Variants in KCNIP4 observed in about 807,000 individuals in gnomAD.
KCNIP4 encodes the protein potassium voltage-gated channel interacting protein 4, also known as Kv channel-interacting protein 4.
KCNIP4 carries 12 observed loss-of-function variants against 34.0 expected under a neutral mutation model. The observed-to-expected ratio is 0.35, with a 90% CI of 0.23 to 0.57. The LOEUF is 0.57. KCNIP4 is among the 20% of genes least tolerant of loss of function. The probability of loss-of-function intolerance (pLI) is 0.83; values close to 1 mark genes in which losing one functional copy is unlikely to be tolerated. For missense variants in KCNIP4, 238 were observed against 311.7 expected (o/e 0.76, Z 1.78); for synonymous variants, 124 against 102.2 (o/e 1.21, Z -1.29).
intron 1 of KCNIP4, among the ~76,000 whole-genome samples, chr4:21,878,357 T>G (rs1439614997): frequency 6.6e-6 from 1 of 152,208 alleles, no homozygotes; most frequent in African/African-American, 2.4e-5. Flanking sequence ...ATTACAGGCA[T>G]GAGCCACAGT....
intron 1 of KCNIP4, among the ~76,000 whole-genome samples, chr4:21,474,844 A>T (rs543943974): frequency 1.3e-5 from 2 of 150,634 alleles, no homozygotes; most frequent in South Asian, 2.1e-4. Flanking sequence ...AAAATAATAA[A>T]AAAAAAATTA....
chr4:21,916,258 A>G (rs1202101234), intron 1 of KCNIP4, among the ~76,000 whole-genome samples: 1 of 152,242 alleles, frequency 6.6e-6, no homozygotes, highest in Non-Finnish European at 1.5e-5. Context: ...AATTTAGCCA[A>G]TAAAAATCTC....
At chr4:20,912,474 G>GT (rs1409048233) in intron 1 of KCNIP4, among the ~76,000 whole-genome samples, 2 of 151,928 alleles carry the variant, frequency 1.3e-5, no homozygotes, top group Non-Finnish European at 2.9e-5. Flanking sequence ...TAACAACTAG[G>GT]TTTTTTATAT....
chr4:21,219,679 A>G (rs776706281), intron 1 of KCNIP4, among the ~76,000 whole-genome samples: 13 of 152,208 alleles, frequency 8.5e-5, no homozygotes, highest in Non-Finnish European at 1.3e-4. Context: ...GAGGAGAGAT[A>G]GAAAAGCACC....
chr4:21,533,230 A>C (rs577232232), intron 1 of KCNIP4, among the ~76,000 whole-genome samples: 5 of 152,240 alleles, frequency 3.3e-5, no homozygotes, highest in South Asian at 2.1e-4. Flanking sequence ...TCTCTCACTT[A>C]AACTGTTAGA....
At chr4:21,501,248 T>TCACACACACACA (rs34406802) in intron 1 of KCNIP4, among the ~76,000 whole-genome samples, 95 of 104,292 alleles carry the variant, frequency 9.1e-4, no homozygotes, top group African/African-American at 2.9e-3. Flanking sequence ...TCTCTCTCTC[T>TCACACACACACA]CACACACACA....
chr4:20,881,846 C>T (rs1396670476), intron 2 of KCNIP4, among the ~76,000 whole-genome samples: 1 of 152,118 alleles, frequency 6.6e-6, no homozygotes, highest in East Asian at 1.9e-4. Context: ...GTGGGTGGGC[C>T]TCATCTAATC....
intron 1 of KCNIP4, among the ~76,000 whole-genome samples, chr4:21,054,949 T>C (rs1362626883): frequency 6.6e-6 from 1 of 152,096 alleles, no homozygotes; most frequent in Non-Finnish European, 1.5e-5. Flanking sequence ...CTTTTTGCTC[T>C]GCTAAAGGAA....
chr4:20,842,051 G>C (rs941322464), intron 3 of KCNIP4, among the ~76,000 whole-genome samples: 1 of 152,022 alleles, frequency 6.6e-6, no homozygotes, highest in Admixed American at 6.6e-5. Context: ...ACTGCCACTA[G>C]ATATTTTCTT....
intron 1 of KCNIP4, among the ~76,000 whole-genome samples, chr4:21,649,657 C>T (rs997206150): frequency 1.3e-5 from 2 of 152,100 alleles, no homozygotes; most frequent in African/African-American, 4.8e-5. Context: ...TTCCTTTTAT[C>T]CTCTTCACGG....
intron 1 of KCNIP4, among the ~76,000 whole-genome samples, chr4:21,120,442 A>G (rs983109045): frequency 6.6e-6 from 1 of 152,206 alleles, no homozygotes; most frequent in Non-Finnish European, 1.5e-5. Flanking sequence ...TCACACTGCT[A>G]TAAAGAAATA....
At chr4:21,615,537 C>T (rs551537818) in intron 1 of KCNIP4, among the ~76,000 whole-genome samples, 11 of 149,060 alleles carry the variant, frequency 7.4e-5, no homozygotes, top group Middle Eastern at 3.4e-3. Flanking sequence ...CAGGGCGAGA[C>T]TCCGCCTCAA....
At chr4:21,736,702 G>T (rs574424620) in intron 1 of KCNIP4, among the ~76,000 whole-genome samples, 19 of 152,212 alleles carry the variant, frequency 1.2e-4, no homozygotes, top group African/African-American at 4.6e-4. Flanking sequence ...CGAGCACTTT[G>T]CTCACACTTC....
intron 1 of KCNIP4, among the ~76,000 whole-genome samples, chr4:21,479,824 C>T (rs1458865222): frequency 6.6e-6 from 1 of 151,438 alleles, no homozygotes; most frequent in African/African-American, 2.4e-5. Context: ...TACAATAAAA[C>T]TCAGAAAAGT....
At chr4:21,930,614 A>AT (rs1473406660) in intron 1 of KCNIP4, among the ~76,000 whole-genome samples, 3 of 151,956 alleles carry the variant, frequency 2.0e-5, no homozygotes, top group Non-Finnish European at 4.4e-5. Flanking sequence ...CTATGGCTCG[A>AT]TTTTTCACAC....
At chr4:21,289,881 C>T (rs1329367503) in intron 1 of KCNIP4, among the ~76,000 whole-genome samples, 1 of 152,132 alleles carries the variant, frequency 6.6e-6, no homozygotes, top group Non-Finnish European at 1.5e-5. Context: ...CGCTTCCTCA[C>T]CCCACCCTTT....
intron 1 of KCNIP4, among the ~76,000 whole-genome samples, chr4:20,910,664 C>T (rs368782810): frequency 6.6e-6 from 1 of 152,156 alleles, no homozygotes; most frequent in African/African-American, 2.4e-5. Context: ...TCACGGCAGC[C>T]TCTGATTCAC....
At chr4:21,926,740 A>G (rs574227971) in intron 1 of KCNIP4, among the ~76,000 whole-genome samples, 1 of 152,304 alleles carries the variant, frequency 6.6e-6, no homozygotes, top group East Asian at 1.9e-4. Context: ...GACTACCTCT[A>G]AGAACCTATA....
chr4:21,388,637 C>T (rs1410884092), intron 1 of KCNIP4, among the ~76,000 whole-genome samples: 3 of 152,092 alleles, frequency 2.0e-5, no homozygotes, highest in Non-Finnish European at 2.9e-5. Flanking sequence ...CCCTCCAAAA[C>T]ATCCTTCTAT....
Sources: allele counts gnomAD v4.1 joint callset (sites outside exome capture counted in the v4.1 genomes callset), GRCh38; gene constraint gnomAD v4.1.1; transcripts MANE v1.5; gene names NCBI Gene and HGNC (gene_info 2026-07-23, HGNC 2026-07-21).